The following ITGA4 variants were observed in gnomAD, a reference collection of about 807,000 sequenced individuals.
ITGA4 encodes integrin subunit alpha 4.
ITGA4 carries 63 observed loss-of-function variants against 133.6 expected under a neutral mutation model. That is an observed-to-expected ratio of 0.47 (90% CI 0.38 to 0.58). ITGA4 has a LOEUF of 0.58. Ranked by LOEUF, ITGA4 falls within the 20% of genes least tolerant of loss-of-function variation. The probability of loss-of-function intolerance (pLI) is 0.00; values close to 1 mark genes in which losing one functional copy is unlikely to be tolerated. For missense variants in ITGA4, 1,076 were observed against 1,252.7 expected, an observed-to-expected ratio of 0.86 and a Z score of 2.13; for synonymous variants, 483 against 438.0, an observed-to-expected ratio of 1.10 and a Z score of -1.28.
At chr2:181,529,247 TTGTTTA>T (rs1361323170) in intron 22 of ITGA4, among the ~76,000 whole-genome samples, 2 of 133,132 alleles carry the variant, frequency 1.5e-5, no homozygotes, top group Non-Finnish European at 3.4e-5. Context: ...CAAATATATA[TTGTTTA>T]TGTCTCCTAA....
At position 181,524,664 on chromosome 2, in the gene ITGA4, G is replaced by A. The variant is rs564241055; in HGVS notation, c.2249+414G>A. ...ATATTTTTTAAAATTCAGAATAAAC[G>A]TCAAGATGGACTTCATTTTACCTAA... is the stretch of plus-strand genomic sequence containing the variant. On this transcript the variant is annotated intron_variant, in intron 20 of 27. Transcript: ENST00000397033. Among the ~76,000 whole-genome samples the A allele has an allele frequency of 1.1e-4, 17 of 152,032 alleles. 1 individual carries two copies. Among genetic ancestry groups the A allele is most frequent in the Middle Eastern group, 3.4e-3 (1 of 292 alleles).
At position 181,537,667 on chromosome 2, in the gene ITGA4, GAATTATCTAGGTTA is replaced by G. The variant is rs755951937; in HGVS notation, c.*2144_*2157del. 1.0e-3 allele frequency: 451 copies of G among 434,724 alleles called. 3 individuals are homozygous for G. The highest frequency in any genetic ancestry group is 5.4e-4 in the Non-Finnish European group (118 of 220,116). 26.9% of individuals were successfully genotyped at this position (434,724 alleles called of 1,614,324 possible). ...AAATGAAAGAATCCAAATTATTTCA[GAATTATCTAGGTTA>G]AATATTGATGTATTATGATGGTTGC... On this transcript the variant is annotated 3_prime_UTR_variant, in exon 28 of 28. Transcript: ENST00000397033.
chr2:181,534,955 C>CAAT lies in ITGA4; in HGVS notation c.3003+22_3003+23insTAA. The stretch of plus-strand genomic sequence containing the variant: ...TGGAAGGTAAGCATTTAACAATTAC[C>CAAT]AACATTAGTCTACTAAAAATGACAT... On this transcript the variant is annotated intron_variant, in intron 27 of 27. Coordinates refer to ENST00000397033, the MANE Select transcript of ITGA4 (RefSeq NM_000885.6). The CAAT allele has an allele frequency of 6.5e-7, 1 of 1,538,664 alleles. No homozygotes were observed. Among genetic ancestry groups the CAAT allele is most frequent in the Non-Finnish European group, 8.7e-7 (1 of 1,147,552 alleles).
At chr2:181,489,924 G>A (rs1298925788) in intron 10 of ITGA4, among the ~76,000 whole-genome samples, 1 of 152,188 alleles carries the variant, frequency 6.6e-6, no homozygotes. Flanking sequence ...GCATCGGCAA[G>A]ACTCCTGTCT....
At chr2:181,528,594 C>G (rs1686880608) in intron 22 of ITGA4, among the ~76,000 whole-genome samples, 2 of 152,192 alleles carry the variant, frequency 1.3e-5, no homozygotes, top group South Asian at 4.1e-4. Flanking sequence ...AAGACCTTGT[C>G]TGTAGTATTG....
chr2:181,461,407 G>T (rs1227095662), intron 2 of ITGA4, among the ~76,000 whole-genome samples: 1 of 151,450 alleles, frequency 6.6e-6, no homozygotes, highest in East Asian at 1.9e-4. Flanking sequence ...GAGGAAAGTG[G>T]TCTCTCTGCC....
rs1687282839 is a variant in ITGA4 at position 181,538,176 on chromosome 2, A to G, written c.*2649A>G. ...AGTTTGTACATTTCTTTTAGAAACA[A>G]TTACATGTTACTTTGGAATCATTTC... On this transcript the variant is annotated 3_prime_UTR_variant, in exon 28 of 28. Transcript: ENST00000397033. 4 of 1,543,968 alleles carry G rather than the reference A, an allele frequency of 2.6e-6. No homozygotes were observed. Among genetic ancestry groups the G allele is most frequent in the Non-Finnish European group, 3.6e-6 (4 of 1,117,902 alleles).
rs201003774 is a variant in ITGA4 at position 181,536,393 on chromosome 2, G to A, written c.*866G>A. The stretch of plus-strand genomic sequence containing the variant: ...TGTTGCACTTTACCTGATACACGCT[G>A]ATTTAGAAAATACAGAAACCATACC... On this transcript the variant is annotated 3_prime_UTR_variant, in exon 28 of 28. Coordinates refer to ENST00000397033, the MANE Select transcript of ITGA4 (RefSeq NM_000885.6). 7.0e-6 allele frequency among the ~76,000 whole-genome samples: 1 copy of A among 142,696 alleles called. No individual in the cohort carries two copies. Among genetic ancestry groups the A allele is most frequent in the Non-Finnish European group, 1.6e-5 (1 of 62,664 alleles). 93.6% of individuals were successfully genotyped at this position (142,696 alleles called of 152,430 possible).
intron 27 of ITGA4, 117 bp downstream of exon 27, chr2:181,535,052 GT>G: frequency 8.5e-7 from 1 of 1,170,300 alleles, no homozygotes; most frequent in Non-Finnish European, 1.2e-6. Flanking sequence ...AACTTTTTAT[GT>G]TGCTCAGTAC....
chr2:181,461,843 T>C (rs529288677), intron 2 of ITGA4, among the ~76,000 whole-genome samples: 2 of 152,260 alleles, frequency 1.3e-5, no homozygotes, highest in East Asian at 1.9e-4. Flanking sequence ...TTTGAACACA[T>C]AAAATGTGGC....
rs1301498190 is a variant in ITGA4, at chr2:181,537,219, T to TTCTCCA, written c.*1693_*1698dup. The TTCTCCA allele has an allele frequency of 2.2e-6, 1 of 452,990 alleles. No individual in the cohort carries two copies. The highest frequency in any genetic ancestry group is 4.4e-6 in the Non-Finnish European group (1 of 225,972). The allele number at this position is 452,990 out of a possible 1,614,324, so 28.1% of individuals were successfully genotyped here. On this transcript the variant is annotated 3_prime_UTR_variant, in exon 28 of 28. Coordinates refer to ENST00000397033, the MANE Select transcript of ITGA4 (RefSeq NM_000885.6). ...AATCAAGCCCCGATTTAGAACTGTC[T>TTCTCCA]TCTCCAGGATGGTCTCTAAGGAAAT... is the stretch of plus-strand genomic sequence containing the variant.
chr2:181,481,636 A>G lies in ITGA4; in HGVS notation c.793A>G (p.Thr265Ala), dbSNP rs778335066. The G allele has an allele frequency of 2.5e-6, 4 of 1,600,466 alleles. No individual in the cohort carries two copies. In the Admixed American group the frequency reaches 5.0e-5, roughly 20 times the overall value. Residue 265 changes from threonine (T) to alanine (A), a missense_variant, in exon 7 of 28, where the codon ACT (threonine) becomes GCT (alanine). This residue lies in a region of ITGA4 where 436 missense variants were observed against 590.7 expected (regional missense o/e 0.74). Coordinates refer to ENST00000397033, the MANE Select transcript of ITGA4 (RefSeq NM_000885.6). ...AGCTGGTCATTTTCGGAGCCAGCAT[A>G]CTACCGAAGTAGTCGGAGGAGCTCC... The part of the protein sequence containing the change: ...VGAGHFRSQH[T>A]TEVVGGAPQH...
chr2:181,517,052 T>C (rs1022731099), intron 17 of ITGA4, among the ~76,000 whole-genome samples: 22 of 152,062 alleles, frequency 1.4e-4, no homozygotes, highest in African/African-American at 5.1e-4. Context: ...AAAATCTTCC[T>C]AAATGTCAGG....
At chr2:181,499,676 TA>T (rs1251241563) in intron 15 of ITGA4, among the ~76,000 whole-genome samples, 1 of 152,178 alleles carries the variant, frequency 6.6e-6, no homozygotes, top group African/African-American at 2.4e-5. Flanking sequence ...TAACAGTTTT[TA>T]TTGTTGTACT....
intron 15 of ITGA4, among the ~76,000 whole-genome samples, chr2:181,501,086 AGTT>A: frequency 6.6e-6 from 1 of 152,268 alleles, no homozygotes; most frequent in East Asian, 1.9e-4. Flanking sequence ...TATCTAGGGC[AGTT>A]GTTCTTAGTT....
chr2:181,462,893 A>G (rs1354777088), intron 2 of ITGA4, among the ~76,000 whole-genome samples: 1 of 152,200 alleles, frequency 6.6e-6, no homozygotes, highest in East Asian at 1.9e-4. Context: ...TGGGTAATTT[A>G]TCCATTCAGT....
At position 181,534,324 on chromosome 2, in the gene ITGA4, C is replaced by CAAATCCAAGAGTAATTGAACTA. The variant is rs1687006786; in HGVS notation, c.2840_2861dup (p.Asn954LysfsTer6). 6.2e-7 allele frequency: 1 copy of CAAATCCAAGAGTAATTGAACTA among 1,610,818 alleles called. No homozygotes were observed. On this transcript the variant is annotated frameshift_variant, in exon 26 of 28. Transcript: ENST00000397033. LOFTEE classifies it high-confidence loss of function. ...ATAAGAGCAACAGGTTTTCCAGAGC[C>CAAATCCAAGAGTAATTGAACTA]AAATCCAAGAGTAATTGAACTAAAC...
In ITGA4 at chr2:181,537,864, ACAG is replaced by A. The variant is rs1184553888; in HGVS notation, c.*2341_*2343del. 2 of 523,698 alleles carry A rather than the reference ACAG, an allele frequency of 3.8e-6. No homozygotes were observed. The highest frequency in any genetic ancestry group is 3.8e-5 in the African/African-American group (2 of 52,844). 32.4% of individuals were successfully genotyped at this position (523,698 alleles called of 1,614,324 possible). A position where few individuals can be genotyped will look rare whatever the true frequency, so the allele number is the denominator to read the frequency against. ...TCTATTAGGATATCCGTTTGGCCAC[ACAG>A]CAGGAGGTTAGAGCAATGGAGCATT... On this transcript the variant is annotated 3_prime_UTR_variant, in exon 28 of 28. Transcript: ENST00000397033.
At chr2:181,499,478 A>G (rs1295495945) in intron 15 of ITGA4, among the ~76,000 whole-genome samples, 2 of 152,202 alleles carry the variant, frequency 1.3e-5, no homozygotes, top group Non-Finnish European at 2.9e-5. Context: ...ACTTCATCAG[A>G]AAATCTATTG....
Sources: allele counts gnomAD v4.1 joint callset (sites outside exome capture counted in the v4.1 genomes callset), GRCh38; gene constraint gnomAD v4.1.1; regional missense constraint gnomAD v4.1.1; transcripts MANE v1.5; gene names NCBI Gene and HGNC (gene_info 2026-07-23, HGNC 2026-07-21).